Variants in ENOX2 observed in about 807,000 individuals in gnomAD.
ENOX2 encodes the protein APK1 antigen.
A neutral mutation model predicts 45.0 loss-of-function variants in ENOX2; 36 were observed. The observed-to-expected ratio is 0.80, with a 90% CI of 0.61 to 1.06. The LOEUF (loss-of-function observed/expected upper bound fraction) is 1.06. Ranked by LOEUF, ENOX2 falls within the 50% of genes least tolerant of loss-of-function variation. The probability of loss-of-function intolerance (pLI) is 0.00; values close to 1 mark genes in which losing one functional copy is unlikely to be tolerated. For missense variants in ENOX2, 423 were observed against 462.5 expected (o/e 0.91, Z 0.78); for synonymous variants, 174 against 152.3 (o/e 1.14, Z -1.05).
At position 130,894,542 on chromosome X, in the gene ENOX2, C is replaced by G. The variant is rs2079030828; in HGVS notation, c.-183+7142G>C. On this transcript the variant is annotated intron_variant, in intron 2 of 14. Transcript: ENST00000394363. ...AATATTCTTTATACCATTCTTTCAACTTTTTTCTAAATTGAAAGTATTTCA... is the reference window on the plus strand; with the variant it reads ...AATATTCTTTATACCATTCTTTCAAGTTTTTTCTAAATTGAAAGTATTTCA... 4.6e-5 allele frequency among the ~76,000 whole-genome samples: 5 copies of G among 107,803 alleles called. No homozygotes were observed. The South Asian group carries it at 2.1e-3, about 44-fold the overall frequency. 93.6% of individuals were successfully genotyped at this position (107,803 alleles called of 115,157 possible).
chrX:130,788,493 A>C (rs1318076378), intron 2 of ENOX2, among the ~76,000 whole-genome samples: 1 of 111,745 alleles, frequency 8.9e-6, no homozygotes, highest in Admixed American at 9.5e-5. Context: ...GCTCCCAGGC[A>C]TTCAGCTTGC....
chrX:130,654,441 GA>G (rs11370254), intron 10 of ENOX2, among the ~76,000 whole-genome samples: 63 of 94,938 alleles, frequency 6.6e-4, no homozygotes, highest in South Asian at 3.1e-3. Flanking sequence ...TGGACAGAGG[GA>G]AAAAAAAAAA....
chrX:130,716,002 C>CA (rs748043288), intron 3 of ENOX2, among the ~76,000 whole-genome samples: 4 of 111,220 alleles, frequency 3.6e-5, no homozygotes, highest in Admixed American at 2.9e-4. Context: ...AAACAGGGGC[C>CA]ACTGGGGGTA....
At position 130,731,540 on chromosome X, in the gene ENOX2, C is replaced by G. The variant is rs543970383; in HGVS notation, c.-38-28286G>C. Among the ~76,000 whole-genome samples, 180 of 111,987 alleles carry G rather than the reference C, an allele frequency of 1.6e-3. 1 individual carries two copies. The highest frequency in any genetic ancestry group is 5.4e-3 in the African/African-American group (167 of 30,874). On this transcript the variant is annotated intron_variant, in intron 3 of 14. Transcript: ENST00000394363. Reference sequence around the variant, plus strand: ...GGAAAAGGAGGAGGAGAAACTTGATCTAAGTCATACTCAAAATGAAACACA... The same window carrying G: ...GGAAAAGGAGGAGGAGAAACTTGATGTAAGTCATACTCAAAATGAAACACA...
chrX:130,627,998 A>G lies in ENOX2; in HGVS notation c.1574T>C (p.Ile525Thr), dbSNP rs770080023. 1 of 1,207,633 alleles carries G rather than the reference A, an allele frequency of 8.3e-7. No homozygotes were observed. Among genetic ancestry groups the G allele is most frequent in the Non-Finnish European group, 1.1e-6 (1 of 891,707 alleles). Reference protein sequence around the residue: ...FLHVHPFGASIEYICSYLHRL... With the variant: ...FLHVHPFGASTEYICSYLHRL... Reference sequence around the variant, plus strand: ...GTGCAAGTAGGAACAGATGTATTCAATGCTTGCTCCAAATGGGTGAACATG... The same window carrying G: ...GTGCAAGTAGGAACAGATGTATTCAGTGCTTGCTCCAAATGGGTGAACATG... The change falls in exon 14 of 15, where the codon ATT (isoleucine) becomes ACT (threonine). Residue 525 changes from isoleucine (I) to threonine (T), a missense_variant. Physicochemically the swap from Ile to Thr is moderately conservative, Grantham distance 89. Coordinates refer to ENST00000394363, the MANE Select transcript of ENOX2 (RefSeq NM_006375.4).
chrX:130,681,391 C>T (rs540955018), intron 5 of ENOX2, among the ~76,000 whole-genome samples: 1 of 111,349 alleles, frequency 9.0e-6, no homozygotes. Context: ...CCTGTGCATT[C>T]GTTTTTTTTT....
At position 130,783,562 on chromosome X, in the gene ENOX2, T is replaced by C; in HGVS notation, c.-54A>G. ...CCTAGCTTACCTGAAGGAGTATTTGTTCTCTTTCTTTTCTTGCTTGATTCC... is the reference window on the plus strand; with the variant it reads ...CCTAGCTTACCTGAAGGAGTATTTGCTCTCTTTCTTTTCTTGCTTGATTCC... On this transcript the variant is annotated 5_prime_UTR_variant, in exon 3 of 15. Transcript: ENST00000394363. 3.0e-6 allele frequency: 1 copy of C among 330,365 alleles called. No individual in the cohort carries two copies. The highest frequency in any genetic ancestry group is 5.9e-6 in the Non-Finnish European group (1 of 169,715). The allele number at this position is 330,365 out of a possible 1,213,427, so 27.2% of individuals were successfully genotyped here.
chrX:130,730,526 A>G (rs1224403562), intron 3 of ENOX2, among the ~76,000 whole-genome samples: 1 of 112,479 alleles, frequency 8.9e-6, no homozygotes. Context: ...GGGCCTGTAA[A>G]TCAAAAAGCA....
chrX:130,724,144 A>G (rs1429592385), intron 3 of ENOX2, among the ~76,000 whole-genome samples: 1 of 112,244 alleles, frequency 8.9e-6, no homozygotes. Context: ...TCCTCAAGTT[A>G]ATCTTGCTAA....
intron 2 of ENOX2, among the ~76,000 whole-genome samples, chrX:130,804,805 A>G (rs1417837905): frequency 9.0e-6 from 1 of 111,718 alleles, no homozygotes; most frequent in Non-Finnish European, 1.9e-5. Context: ...TAAGCCATTA[A>G]TATCTCAATT....
At chrX:130,761,565 C>T (rs767002909) in intron 3 of ENOX2, among the ~76,000 whole-genome samples, 3 of 111,762 alleles carry the variant, frequency 2.7e-5, no homozygotes, top group South Asian at 3.8e-4. Flanking sequence ...ATTGACTCAT[C>T]GTACTGCAAA....
Position 130,726,806 on chromosome X carries a change from A to G in ENOX2, c.-38-23552T>C, listed in dbSNP as rs141576329. ...GGTATGTGACCAACTTCAAAGAAGCAATTGTGTAACTACTAAGGAAATTAG... is the reference window on the plus strand; with the variant it reads ...GGTATGTGACCAACTTCAAAGAAGCGATTGTGTAACTACTAAGGAAATTAG... On this transcript the variant is annotated intron_variant, in intron 3 of 14. Transcript: ENST00000394363. Among the ~76,000 whole-genome samples the G allele has an allele frequency of 2.2e-3, 248 of 112,283 alleles. 1 individual carries two copies. The highest frequency in any genetic ancestry group is 7.9e-3 in the African/African-American group (243 of 30,928).
chrX:130,634,861 T>A, intron 12 of ENOX2, 123 bp downstream of exon 12: 2 of 438,065 alleles, frequency 4.6e-6, no homozygotes, highest in South Asian at 8.2e-5. Context: ...GGGCTTTTAA[T>A]TCCCAATCGG....
intron 3 of ENOX2, among the ~76,000 whole-genome samples, chrX:130,733,910 T>C (rs2038801086): frequency 8.9e-6 from 1 of 112,184 alleles, no homozygotes; most frequent in Non-Finnish European, 1.9e-5. Flanking sequence ...ATATGGGACC[T>C]CTCCGAATTA....
At chrX:130,686,832 T>C (rs1158985327) in intron 5 of ENOX2, among the ~76,000 whole-genome samples, 1 of 112,420 alleles carries the variant, frequency 8.9e-6, no homozygotes, top group Non-Finnish European at 1.9e-5. Context: ...ACCAGTTTAC[T>C]TTAAGCTGTG....
At chrX:130,626,884 T>C (rs1357830827) in intron 14 of ENOX2, among the ~76,000 whole-genome samples, 12 of 111,398 alleles carry the variant, frequency 1.1e-4, no homozygotes, top group Non-Finnish European at 3.8e-5. Context: ...CCAGATCCTA[T>C]GAAATAGGCA....
At chrX:130,772,466 A>C (rs2039763796) in intron 3 of ENOX2, among the ~76,000 whole-genome samples, 1 of 111,951 alleles carries the variant, frequency 8.9e-6, no homozygotes, top group African/African-American at 3.2e-5. Flanking sequence ...GTGATATGTG[A>C]ATCAGCATCT....
intron 2 of ENOX2, among the ~76,000 whole-genome samples, chrX:130,845,552 G>C (rs1283296613): frequency 8.9e-6 from 1 of 112,451 alleles, no homozygotes; most frequent in African/African-American, 3.2e-5. Flanking sequence ...CGCAACCTCT[G>C]CCTCCTGGGC....
In ENOX2 at chrX:130,765,001, CAGAA is replaced by C. The variant is rs1300816908; in HGVS notation, c.-39+18542_-39+18545del. On this transcript the variant is annotated intron_variant, in intron 3 of 14. Coordinates refer to ENST00000394363, the MANE Select transcript of ENOX2 (RefSeq NM_006375.4). ...CAATAGGAAGATAATGATTGCTTGA[CAGAA>C]AGAAAAATGAGGAGTAGGAGGAATA... Among the ~76,000 whole-genome samples the C allele has an allele frequency of 5.4e-5, 6 of 111,145 alleles. No individual in the cohort carries two copies. In the East Asian group the frequency reaches 1.7e-3, roughly 31 times the overall value.
Sources: gnomAD v4.1 joint callset for allele counts (sites outside exome capture counted in the v4.1 genomes callset) on GRCh38, gnomAD v4.1.1 for gene constraint, MANE v1.5 for transcripts, NCBI Gene and HGNC (gene_info 2026-07-23, HGNC 2026-07-21) for gene names.